The following RSPH3 variants were observed in gnomAD, a reference collection of about 807,000 sequenced individuals.
The protein encoded by RSPH3 is radial spoke head 3.
RSPH3 carries 21 observed loss-of-function variants against 43.8 expected under a neutral mutation model. The observed-to-expected ratio is 0.48, with a 90% CI of 0.34 to 0.69. The LOEUF (loss-of-function observed/expected upper bound fraction) is 0.69, where lower values mean the gene tolerates loss of function less well. Among genes scored for constraint, RSPH3 ranks in the 30% least tolerant of loss-of-function variants. The pLI is 0.01. For synonymous variants in RSPH3, 173 were observed against 179.8 expected, an observed-to-expected ratio of 0.96 and a Z score of 0.30; for missense variants, 487 against 516.0, an observed-to-expected ratio of 0.94 and a Z score of 0.54.
rs1239736156 is a variant in RSPH3 at position 158,989,103 on chromosome 6, G to A, written c.205-2682C>T. ...GCTCTGTCACCCTGGCTGGAGTGCA[G>A]TGGTGTGATCTTGGCTCACTGCAAC... is the stretch of plus-strand genomic sequence containing the variant. On this transcript the variant is annotated intron_variant, in intron 2 of 7. Coordinates refer to ENST00000367069, the MANE Select transcript of RSPH3 (RefSeq NM_031924.8). The surrounding 1 kb of genome is among the most constrained non-coding windows in gnomAD (Gnocchi z 4.3). Among the ~76,000 whole-genome samples the A allele has an allele frequency of 2.0e-5, 3 of 147,712 alleles. No individual in the cohort carries two copies. Among genetic ancestry groups the A allele is most frequent in the African/African-American group, 7.3e-5 (3 of 40,934 alleles).
At position 158,992,275 on chromosome 6, in the gene RSPH3, T is replaced by C. The variant is rs79163445; in HGVS notation, c.204+1564A>G. On this transcript the variant is annotated intron_variant, in intron 2 of 7. Transcript: ENST00000367069. ...TCCCTCAATTCCTTAACCTTCTAGG[T>C]TGTATTTTTGTTTTTGTTTTTTGAG... 8.2e-3 allele frequency among the ~76,000 whole-genome samples: 1,249 copies of C among 152,030 alleles called. 22 individuals carry two copies. Among genetic ancestry groups the C allele is most frequent in the African/African-American group, 0.028 (1,177 of 41,454 alleles).
chr6:158,998,925 T>A (rs1182788267), intron 1 of RSPH3, among the ~76,000 whole-genome samples: 1 of 151,332 alleles, frequency 6.6e-6, no homozygotes, highest in East Asian at 1.9e-4. Context: ...AAAAAACCAA[T>A]CTGTGGTCCT....
intron 6 of RSPH3, among the ~76,000 whole-genome samples, chr6:158,979,197 T>C (rs1001870756): frequency 6.6e-6 from 1 of 152,202 alleles, no homozygotes; most frequent in Non-Finnish European, 1.5e-5. Context: ...AATATACATT[T>C]TAAAGTTTCA....
At chr6:158,993,329 A>G (rs541675110) in intron 2 of RSPH3, among the ~76,000 whole-genome samples, 277 of 151,660 alleles carry the variant, frequency 1.8e-3, no homozygotes, top group Non-Finnish European at 3.4e-3. Context: ...TGTTGGCCAG[A>G]ATGGTCTTGA....
downstream of RSPH3, chr6:158,972,727 C>T (rs1285323118): frequency 6.6e-6 from 1 of 152,110 alleles, no homozygotes; most frequent in East Asian, 1.9e-4. Flanking sequence ...GCTTAAATGG[C>T]ATCTTATATC....
rs983349828 is a variant in RSPH3 at position 158,974,402 on chromosome 6, T to C, written c.*3136A>G. On this transcript the variant is annotated 3_prime_UTR_variant, in exon 8 of 8. Transcript: ENST00000367069. ...TAATAGTACCCATTTTCTTCTATGC[T>C]GGAAGAGTTTTATGTTCCCAAACCA... The C allele has an allele frequency of 6.6e-6, 1 of 152,242 alleles. No individual in the cohort carries two copies. Among genetic ancestry groups the C allele is most frequent in the Admixed American group, 6.5e-5 (1 of 15,278 alleles). 9.4% of individuals were successfully genotyped at this position (152,242 alleles called of 1,614,324 possible).
chr6:158,997,160 C>T (rs1336127647), intron 1 of RSPH3, among the ~76,000 whole-genome samples: 1 of 152,000 alleles, frequency 6.6e-6, no homozygotes, highest in African/African-American at 2.4e-5. Context: ...TGCTCTTGTA[C>T]TTCTCAGTCT....
the RSPH3 span, among the ~76,000 whole-genome samples, chr6:158,962,986 A>G: frequency 1.3e-5 from 2 of 152,220 alleles, no homozygotes; most frequent in African/African-American, 4.8e-5. Flanking sequence ...CACATTTATG[A>G]TTGAAAATGT....
chr6:158,978,501 G>C (rs1048266307), intron 6 of RSPH3, among the ~76,000 whole-genome samples, 155 bp from the exon 7 acceptor site: 1 of 151,880 alleles, frequency 6.6e-6, no homozygotes, highest in Admixed American at 6.6e-5. Flanking sequence ...TATATGTTCT[G>C]GTCAGTTTCC....
At position 158,987,325 on chromosome 6, in the gene RSPH3, C is replaced by T. The variant is rs537209428; in HGVS notation, c.205-904G>A. Among the ~76,000 whole-genome samples the T allele has an allele frequency of 2.0e-5, 3 of 152,210 alleles. No individual in the cohort carries two copies. In the East Asian group the frequency reaches 5.8e-4, roughly 29 times the overall value. ...TCTAGTTGCATGGAAAATCTTTTTC[C>T]ATCCCTTTACTTTCAGTCTATGTGT... On this transcript the variant is annotated intron_variant, in intron 2 of 7. Coordinates refer to ENST00000367069, the MANE Select transcript of RSPH3 (RefSeq NM_031924.8).
chr6:158,965,291 A>G, the RSPH3 span, among the ~76,000 whole-genome samples: 1 of 152,100 alleles, frequency 6.6e-6, no homozygotes, highest in East Asian at 1.9e-4. Context: ...TATGGGTTTT[A>G]GGACTGGCTT....
downstream of RSPH3, among the ~76,000 whole-genome samples, chr6:158,970,060 T>C (rs1311666985): frequency 6.6e-6 from 1 of 151,776 alleles, no homozygotes; most frequent in Non-Finnish European, 1.5e-5. Context: ...TGTTCCTATT[T>C]TTTGCCTGCC....
downstream of RSPH3, among the ~76,000 whole-genome samples, chr6:158,969,767 C>T (rs1777673770): frequency 1.3e-5 from 2 of 152,130 alleles, no homozygotes; most frequent in South Asian, 2.1e-4. Flanking sequence ...TTTTCTTCTG[C>T]CAGATCAAAT....
chr6:158,993,829 C>G lies in RSPH3; in HGVS notation c.204+10G>C. Reference sequence around the variant, plus strand: ...AGAACACGGTGTTAGACTATTCAAACTGAACTTACCAGTGGCCCTGTCTGG... The same window carrying G: ...AGAACACGGTGTTAGACTATTCAAAGTGAACTTACCAGTGGCCCTGTCTGG... On this transcript the variant is annotated intron_variant, in intron 2 of 7. Coordinates refer to ENST00000367069, the MANE Select transcript of RSPH3 (RefSeq NM_031924.8). 1 of 1,526,014 alleles carries G rather than the reference C, an allele frequency of 6.6e-7. No individual in the cohort carries two copies. The highest frequency in any genetic ancestry group is 9.1e-7 in the Non-Finnish European group (1 of 1,100,796). 94.5% of individuals were successfully genotyped at this position (1,526,014 alleles called of 1,614,324 possible). A position where few individuals can be genotyped will look rare whatever the true frequency, so the allele number is the denominator to read the frequency against.
intron 2 of RSPH3, among the ~76,000 whole-genome samples, chr6:158,988,596 CTG>C (rs1778306106): frequency 6.6e-6 from 1 of 152,070 alleles, no homozygotes; most frequent in East Asian, 1.9e-4. Flanking sequence ...TCTCCTCAGA[CTG>C]TGTATTTTCA....
intron 1 of RSPH3, among the ~76,000 whole-genome samples, chr6:158,995,839 T>G (rs1251659245): frequency 6.6e-6 from 1 of 152,142 alleles, no homozygotes; most frequent in South Asian, 2.1e-4. Context: ...GACCTCGTGA[T>G]CCGCCCACCT....
Position 158,999,495 on chromosome 6 carries a change from G to T in RSPH3, c.56C>A (p.Thr19Asn). 1 of 1,545,302 alleles carries T rather than the reference G, an allele frequency of 6.5e-7. No individual in the cohort carries two copies. The highest frequency in any genetic ancestry group is 8.7e-7 in the Non-Finnish European group (1 of 1,143,358). The change falls in exon 1 of 8, where the codon ACC becomes AAC. Residue 19 changes from threonine (T) to asparagine (N), a missense_variant. Coordinates refer to ENST00000367069, the MANE Select transcript of RSPH3 (RefSeq NM_031924.8). Reference protein sequence around the residue: ...TSRAPSTYTYTSRPRALPCQR... With the variant: ...TSRAPSTYTYNSRPRALPCQR... ...GCAGGGCAGTGCTCGGGGCCGGCTG[G>T]TGTAGGTGTAGGTGCTCGGGGCCCG...
At chr6:158,963,880 A>G in the RSPH3 span, among the ~76,000 whole-genome samples, 4 of 152,194 alleles carry the variant, frequency 2.6e-5, no homozygotes, top group Admixed American at 2.6e-4. Flanking sequence ...CATAATTTCT[A>G]GTAACTTCCA....
chr6:158,991,515 G>T (rs1778405351), intron 2 of RSPH3, among the ~76,000 whole-genome samples: 1 of 152,166 alleles, frequency 6.6e-6, no homozygotes, highest in African/African-American at 2.4e-5. Context: ...GTCGACACTG[G>T]TGGTGGTGTA....
Sources: allele counts gnomAD v4.1 joint callset (sites outside exome capture counted in the v4.1 genomes callset), GRCh38; gene constraint gnomAD v4.1.1; non-coding constraint Gnocchi (gnomAD v3.1); transcripts MANE v1.5; gene names NCBI Gene and HGNC (gene_info 2026-07-23, HGNC 2026-07-21).